Variants in TVP23A observed in about 807,000 individuals in gnomAD.
TVP23A encodes Golgi apparatus membrane protein TVP23 homolog A.
In TVP23A, 21 loss-of-function variants were observed where a neutral mutation model predicts 31.7. That is an observed-to-expected ratio of 0.66 (90% CI 0.47 to 0.95). The LOEUF (loss-of-function observed/expected upper bound fraction) is 0.95, where lower values mean the gene tolerates loss of function less well. Among genes scored for constraint, TVP23A ranks in the 40% least tolerant of loss-of-function variants. The probability of loss-of-function intolerance (pLI) is 0.00; values close to 1 mark genes in which losing one functional copy is unlikely to be tolerated. For synonymous variants in TVP23A, 104 were observed against 96.0 expected, an observed-to-expected ratio of 1.08 and a Z score of -0.49; for missense variants, 279 against 255.6, an observed-to-expected ratio of 1.09 and a Z score of -0.62.
chr16:10,784,988 C>T (rs1396313060), intron 2 of TVP23A, among the ~76,000 whole-genome samples: 3 of 151,022 alleles, frequency 2.0e-5, no homozygotes, highest in African/African-American at 7.3e-5. Flanking sequence ...TCCCAGCTAC[C>T]TGGGAAACTG....
intron 2 of TVP23A, among the ~76,000 whole-genome samples, chr16:10,809,094 C>T (rs1596573736): frequency 6.6e-6 from 1 of 152,324 alleles, no homozygotes; most frequent in East Asian, 1.9e-4. Context: ...ATCAGAATAA[C>T]AGGTGCCACT....
intron 2 of TVP23A, among the ~76,000 whole-genome samples, chr16:10,799,204 C>G (rs144748214): frequency 4.6e-5 from 7 of 152,338 alleles, no homozygotes; most frequent in African/African-American, 1.7e-4. Context: ...AACCACCCAG[C>G]CGAGCTGCTC....
At chr16:10,802,818 C>A (rs933979044) in intron 2 of TVP23A, among the ~76,000 whole-genome samples, 4 of 152,148 alleles carry the variant, frequency 2.6e-5, no homozygotes, top group African/African-American at 9.7e-5. Flanking sequence ...TAAGTTTTGT[C>A]ATTGCTGTGT....
intron 2 of TVP23A, among the ~76,000 whole-genome samples, chr16:10,807,108 A>G (rs1360505641): frequency 6.6e-6 from 1 of 152,202 alleles, no homozygotes; most frequent in Non-Finnish European, 1.5e-5. Context: ...GTTCCCCAAA[A>G]GCTCAGGGGA....
At chr16:10,817,504 G>C (rs2031827036) in intron 2 of TVP23A, among the ~76,000 whole-genome samples, 1 of 152,114 alleles carries the variant, frequency 6.6e-6, no homozygotes, top group African/African-American at 2.4e-5. Flanking sequence ...CCACCTTCTG[G>C]GATGCTAGAG....
rs2032157399 is a variant in TVP23A at position 10,777,884 on chromosome 16, G to GCA, written c.90-2789_90-2788insTG. 6.6e-6 allele frequency among the ~76,000 whole-genome samples: 1 copy of GCA among 152,106 alleles called. No homozygotes were observed. Among genetic ancestry groups the GCA allele is most frequent in the Non-Finnish European group, 1.5e-5 (1 of 68,024 alleles). ...AAATTAGCTGAGCGTGGTGGTGGGCGCCTGTAGTCCCAGCTACTCGGGACG... is the reference window on the plus strand; with the variant it reads ...AAATTAGCTGAGCGTGGTGGTGGGCGCACCTGTAGTCCCAGCTACTCGGGACG... On this transcript the variant is annotated intron_variant, in intron 2 of 7. Coordinates refer to ENST00000299866, the MANE Select transcript of TVP23A (RefSeq NM_001079512.4). This position sits in a 1 kb window ranked among gnomAD's most constrained non-coding sequence, Gnocchi z 4.5.
chr16:10,798,213 C>A (rs1236642343), intron 2 of TVP23A, among the ~76,000 whole-genome samples: 1 of 152,006 alleles, frequency 6.6e-6, no homozygotes, highest in Non-Finnish European at 1.5e-5. Context: ...CCCGCCTTGG[C>A]CTCCCATAGT....
At position 10,797,722 on chromosome 16, in the gene TVP23A, A is replaced by T. The variant is rs182283206; in HGVS notation, c.89+20381T>A. ...ATGACAAAGTGAGATACTGTCTCTA[A>T]AAAAAAAATCATTTTTGTCTCTTAG... On this transcript the variant is annotated intron_variant, in intron 2 of 7. Coordinates refer to ENST00000299866, the MANE Select transcript of TVP23A (RefSeq NM_001079512.4). 3.4e-3 allele frequency among the ~76,000 whole-genome samples: 508 copies of T among 150,980 alleles called. 1 individual carries two copies. Among genetic ancestry groups the T allele is most frequent in the African/African-American group, 0.012 (475 of 41,258 alleles).
Position 10,818,777 on chromosome 16 carries a change from A to T in TVP23A, c.-284T>A, listed in dbSNP as rs1022170851. ...GGCAACGGCCTGGGGAACTGCGGAC[A>T]GAGATAGTGGGAGGAATGGGAGTCG... On this transcript the variant is annotated 5_prime_UTR_variant, in exon 1 of 8. Coordinates refer to ENST00000299866, the MANE Select transcript of TVP23A (RefSeq NM_001079512.4). This position sits in a 1 kb window ranked among gnomAD's most constrained non-coding sequence, Gnocchi z 4.7. 2.1e-6 allele frequency: 1 copy of T among 465,358 alleles called. No homozygotes were observed. The allele number at this position is 465,358 out of a possible 1,614,324, so 28.8% of individuals were successfully genotyped here.
intron 2 of TVP23A, among the ~76,000 whole-genome samples, chr16:10,800,741 T>A (rs1172989868): frequency 6.6e-6 from 1 of 152,176 alleles, no homozygotes; most frequent in East Asian, 1.9e-4. Flanking sequence ...CCCAGCACTT[T>A]GGGAGGCTGA....
chr16:10,816,012 G>A (rs2034420032), intron 2 of TVP23A, among the ~76,000 whole-genome samples: 1 of 152,036 alleles, frequency 6.6e-6, no homozygotes. Context: ...ACTTGAGGCC[G>A]GAAGTTCCAG....
intron 2 of TVP23A, among the ~76,000 whole-genome samples, chr16:10,809,126 C>T (rs912402968): frequency 6.6e-6 from 1 of 152,204 alleles, no homozygotes; most frequent in African/African-American, 2.4e-5. Flanking sequence ...CAAGGGGCAT[C>T]AGGAGCCCTG....
rs1294526922 is a variant in TVP23A, at chr16:10,761,252, TCTAAGG to T, written c.*517_*522del. On this transcript the variant is annotated 3_prime_UTR_variant and NMD_transcript_variant, in exon 9 of 9. Transcript: ENST00000456096. ...GCCAAACCCTATCAGGGCAGAAACCTCTAAGGCTTTATGATCGCAGATCCACTGCAT... is the reference window on the plus strand; with the variant it reads ...GCCAAACCCTATCAGGGCAGAAACCTCTTTATGATCGCAGATCCACTGCAT... 5 of 967,484 alleles carry T rather than the reference TCTAAGG, an allele frequency of 5.2e-6. No individual in the cohort carries two copies. The Admixed American group carries it at 6.6e-5, about 13-fold the overall frequency. The allele number at this position is 967,484 out of a possible 1,614,324, so 59.9% of individuals were successfully genotyped here.
chr16:10,767,820 GTTC>G lies in TVP23A; in HGVS notation c.*1279_*1281del. ...AGACCCCACTGGTCTTTTCTACTTT[GTTC>G]TTCATTACGAGTGAAGCGGGCTCAA... On this transcript the variant is annotated 3_prime_UTR_variant, in exon 8 of 8. Coordinates refer to ENST00000299866, the MANE Select transcript of TVP23A (RefSeq NM_001079512.4). The surrounding 1 kb of genome is among the most constrained non-coding windows in gnomAD (Gnocchi z 4.6). 1 of 820,088 alleles carries G rather than the reference GTTC, an allele frequency of 1.2e-6. No individual in the cohort carries two copies. The highest frequency in any genetic ancestry group is 2.0e-6 in the Non-Finnish European group (1 of 501,848). The allele number at this position is 820,088 out of a possible 1,614,324, so 50.8% of individuals were successfully genotyped here. A position where few individuals can be genotyped will look rare whatever the true frequency, so the allele number is the denominator to read the frequency against.
intron 2 of TVP23A, among the ~76,000 whole-genome samples, chr16:10,784,738 G>C (rs958191220): frequency 6.6e-6 from 1 of 152,186 alleles, no homozygotes; most frequent in Non-Finnish European, 1.5e-5. Context: ...AATTGGGGGA[G>C]AAGGGGAGTA....
chr16:10,784,026 C>T (rs568545336), intron 2 of TVP23A, among the ~76,000 whole-genome samples: 2 of 152,138 alleles, frequency 1.3e-5, no homozygotes, highest in East Asian at 3.9e-4. Flanking sequence ...TGACATTACA[C>T]ATTTGCCAAA....
rs939363543 is a variant in TVP23A at position 10,767,122 on chromosome 16, C to T, written c.*1980G>A. ...GGCTGGTGACCGGCCATGGGCAGTG[C>T]AGTCACTTGCCTGTTTCGCCAGCAG... On this transcript the variant is annotated 3_prime_UTR_variant, in exon 8 of 8. Transcript: ENST00000299866. This position sits in a 1 kb window ranked among gnomAD's most constrained non-coding sequence, Gnocchi z 4.6. The T allele has an allele frequency of 3.5e-5, 14 of 398,824 alleles. No homozygotes were observed. Among genetic ancestry groups the T allele is most frequent in the African/African-American group, 2.9e-4 (14 of 48,640 alleles). The allele number at this position is 398,824 out of a possible 1,614,324, so 24.7% of individuals were successfully genotyped here.
At chr16:10,789,900 C>G (rs890515352) in intron 2 of TVP23A, among the ~76,000 whole-genome samples, 5 of 150,942 alleles carry the variant, frequency 3.3e-5, no homozygotes, top group African/African-American at 1.2e-4. Flanking sequence ...CAAAGAGGGG[C>G]AGGAGGAGGG....
chr16:10,759,749 C>T (rs1000990687), downstream of TVP23A, among the ~76,000 whole-genome samples: 15 of 152,160 alleles, frequency 9.9e-5, no homozygotes, highest in African/African-American at 3.4e-4. The surrounding 1 kb of genome is among the most constrained non-coding windows in gnomAD (Gnocchi z 4.7). Flanking sequence ...GCACTCCAGC[C>T]TGGGCGACAG....
Sources: allele counts gnomAD v4.1 joint callset (sites outside exome capture counted in the v4.1 genomes callset), GRCh38; gene constraint gnomAD v4.1.1; non-coding constraint Gnocchi (gnomAD v3.1); transcripts MANE v1.5; gene names NCBI Gene and HGNC (gene_info 2026-07-23, HGNC 2026-07-21).